PKHD1: variants seen among roughly 807,000 people sequenced by gnomAD.
The protein encoded by PKHD1 is fibrocystin.
A neutral mutation model predicts 412.0 loss-of-function variants in PKHD1; 291 were observed. The ratio of observed to expected loss-of-function variants is 0.71; its 90% CI spans 0.64 to 0.78. PKHD1 has a LOEUF of 0.78. Ranked by LOEUF, PKHD1 falls within the 30% of genes least tolerant of loss-of-function variation. The pLI is 0.00. For synonymous variants in PKHD1, 1,777 were observed against 1,821.5 expected (o/e 0.98, Z 0.62); for missense variants, 4,825 against 4,950.7 (o/e 0.97, Z 0.76).
Position 52,056,734 on chromosome 6 carries a change from A to G in PKHD1, c.1657T>C (p.Trp553Arg). 2 of 1,614,030 alleles carry G rather than the reference A, an allele frequency of 1.2e-6. No homozygotes were observed. Among genetic ancestry groups the G allele is most frequent in the Non-Finnish European group, 1.7e-6 (2 of 1,179,880 alleles). Residue 553 changes from tryptophan (W) to arginine (R), a missense_variant, in exon 18 of 67, where the codon TGG (tryptophan) becomes CGG (arginine). By Grantham distance (101) the Trp-to-Arg change is moderately radical. Coordinates refer to ENST00000371117, the MANE Select transcript of PKHD1 (RefSeq NM_138694.4). ...CCAAGCCGGAGAAGGATGTTAGACCAAAGGGGTTCCAGTTTGCATTTTACT... is the reference window on the plus strand; with the variant it reads ...CCAAGCCGGAGAAGGATGTTAGACCGAAGGGGTTCCAGTTTGCATTTTACT... ...LAVKCKLEPL[W>R]SNILLRLGFE...
intron 29 of PKHD1, among the ~76,000 whole-genome samples, chr6:52,028,558 C>T (rs575980437): frequency 2.0e-5 from 3 of 151,684 alleles, no homozygotes; most frequent in African/African-American, 7.3e-5. Context: ...TTCTGTCACC[C>T]AGGAGTGCTG....
intron 52 of PKHD1, among the ~76,000 whole-genome samples, chr6:51,799,526 T>C (rs1182947093): frequency 6.6e-6 from 1 of 152,158 alleles, no homozygotes; most frequent in Admixed American, 6.6e-5. Flanking sequence ...CAAACTGGAG[T>C]CTATCAATGT....
chr6:52,061,421 A>G (rs78181581), intron 14 of PKHD1, among the ~76,000 whole-genome samples: 1 of 152,110 alleles, frequency 6.6e-6, no homozygotes, highest in African/African-American at 2.4e-5. Context: ...CTCCTGTCTC[A>G]GCCTCCCAAG....
intron 36 of PKHD1, among the ~76,000 whole-genome samples, chr6:51,941,909 GCCCAAATTTCTT>G (rs1788649533): frequency 6.6e-6 from 1 of 151,514 alleles, no homozygotes; most frequent in Non-Finnish European, 1.5e-5. Context: ...CTTCAGTCAA[GCCCAAATTTCTT>G]CCTCATCTGT....
Position 51,972,111 on chromosome 6 carries a change from T to G in PKHD1, c.5752-12085A>C, listed in dbSNP as rs533363337. 4.6e-5 allele frequency among the ~76,000 whole-genome samples: 7 copies of G among 152,264 alleles called. 1 individual carries two copies. The South Asian group carries it at 1.5e-3, about 32-fold the overall frequency. On this transcript the variant is annotated intron_variant, in intron 35 of 66. Coordinates refer to ENST00000371117, the MANE Select transcript of PKHD1 (RefSeq NM_138694.4). ...ATTTGACTATGATTGGTATTAAAAA[T>G]TCTACTCTTCCACTAGCATTGCTTC...
chr6:52,012,900 T>G (rs1799983901), intron 34 of PKHD1, among the ~76,000 whole-genome samples: 1 of 152,234 alleles, frequency 6.6e-6, no homozygotes, highest in Non-Finnish European at 1.5e-5. Flanking sequence ...TCACAAACTA[T>G]CTGATGAATA....
At chr6:51,630,409 C>A (rs747946660) in intron 65 of PKHD1, among the ~76,000 whole-genome samples, 3 of 152,002 alleles carry the variant, frequency 2.0e-5, no homozygotes, top group Non-Finnish European at 2.9e-5. Flanking sequence ...TGTAAGAATG[C>A]CACACTCTTT....
At chr6:51,696,996 C>A (rs1262472056) in intron 60 of PKHD1, among the ~76,000 whole-genome samples, 1 of 152,072 alleles carries the variant, frequency 6.6e-6, no homozygotes, top group Non-Finnish European at 1.5e-5. Context: ...TGAAACCAGC[C>A]TGGCCAACAT....
At chr6:52,000,020 G>A (rs544972243) in intron 35 of PKHD1, among the ~76,000 whole-genome samples, 1 of 152,218 alleles carries the variant, frequency 6.6e-6, no homozygotes, top group East Asian at 1.9e-4. Context: ...CAGGCTTCAG[G>A]GAGATGGTAG....
At chr6:52,005,965 G>A (rs1203640877) in intron 35 of PKHD1, among the ~76,000 whole-genome samples, 6 of 147,578 alleles carry the variant, frequency 4.1e-5, no homozygotes, top group East Asian at 1.9e-4. Flanking sequence ...GCAGTCCTGC[G>A]GCCCTAAAGC....
chr6:51,634,062 T>TA lies in PKHD1; in HGVS notation c.11507-1340dup, dbSNP rs1003480277. The stretch of plus-strand genomic sequence containing the variant: ...ATATCTCAATACAAACAGGTTTATT[T>TA]AAAAAAAAAAAACTTGTTTATGAAC... On this transcript the variant is annotated intron_variant, in intron 64 of 66. Coordinates refer to ENST00000371117, the MANE Select transcript of PKHD1 (RefSeq NM_138694.4). Among the ~76,000 whole-genome samples, 1,404 of 145,586 alleles carry TA rather than the reference T, an allele frequency of 9.6e-3. 15 individuals are homozygous for TA. The highest frequency in any genetic ancestry group is 0.018 in the African/African-American group (700 of 39,934).
chr6:51,976,083 G>C (rs891644646), intron 35 of PKHD1: 1 of 151,386 alleles, frequency 6.6e-6, no homozygotes, highest in African/African-American at 2.4e-5. Flanking sequence ...AATCACAGGG[G>C]AAAACAGTAG....
Position 51,747,973 on chromosome 6 carries a change from T to C in PKHD1, c.9643A>G (p.Ile3215Val). The C allele has an allele frequency of 1.2e-6, 2 of 1,614,074 alleles. No individual in the cohort carries two copies. Among genetic ancestry groups the C allele is most frequent in the Admixed American group, 3.3e-5 (2 of 59,984 alleles). ...GAGTGCGGCTTCACTTTGTCCTGAA[T>C]GCAGTCAAAAGAAGAGCTGGTGGCC... is the stretch of plus-strand genomic sequence containing the variant. The part of the protein sequence containing the change: ...IVATSSSFDC[I>V]QDKVKPHSAN... The change falls in exon 58 of 67, where the codon ATT becomes GTT. Residue 3215 changes from isoleucine (I) to valine (V), a missense_variant. Ile to Val is a conservative substitution (Grantham distance 29, BLOSUM62 3). Transcript: ENST00000371117.
intron 35 of PKHD1, among the ~76,000 whole-genome samples, chr6:52,008,743 G>A (rs1239661629): frequency 1.3e-5 from 2 of 152,058 alleles, no homozygotes; most frequent in East Asian, 3.8e-4. Context: ...ACCCTATGAA[G>A]TGGGAACTAT....
At chr6:51,960,099 CTGGTTTGT>C in intron 35 of PKHD1, 73 bp from the exon 36 acceptor site, 1 of 1,475,934 alleles carries the variant, frequency 6.8e-7, no homozygotes, top group Admixed American at 1.7e-5. Context: ...GGTTGGTTCG[CTGGTTTGT>C]TGGTTTGTTG....
intron 35 of PKHD1, among the ~76,000 whole-genome samples, chr6:51,978,214 G>C (rs534637588): frequency 7.6e-4 from 115 of 152,258 alleles, no homozygotes; most frequent in Middle Eastern, 6.8e-3. Flanking sequence ...CCACACCAAG[G>C]TTTCCAAGCC....
chr6:51,785,997 A>C (rs1235559211), intron 53 of PKHD1, among the ~76,000 whole-genome samples: 2 of 152,186 alleles, frequency 1.3e-5, no homozygotes, highest in Non-Finnish European at 2.9e-5. Context: ...TTTACTGTAT[A>C]CTCAACATTG....
intron 35 of PKHD1, among the ~76,000 whole-genome samples, chr6:51,974,434 G>A (rs903839226): frequency 1.3e-5 from 2 of 152,128 alleles, no homozygotes; most frequent in African/African-American, 4.8e-5. Context: ...AATATTTAAT[G>A]ACAATGTAAT....
At chr6:51,989,842 G>A (rs1796658688) in intron 35 of PKHD1, among the ~76,000 whole-genome samples, 1 of 124,950 alleles carries the variant, frequency 8.0e-6, no homozygotes, top group Admixed American at 9.2e-5. Flanking sequence ...TTAAACCAGA[G>A]GAAATGAAGG....
Sources: allele counts gnomAD v4.1 joint callset (sites outside exome capture counted in the v4.1 genomes callset), GRCh38; gene constraint gnomAD v4.1.1; transcripts MANE v1.5; gene names NCBI Gene and HGNC (gene_info 2026-07-23, HGNC 2026-07-21).